The following TLE4 variants were observed in gnomAD, a reference collection of about 807,000 sequenced individuals.
TLE4 encodes the protein TLE family member 4, transcriptional corepressor.
Under a neutral mutation model 92.8 loss-of-function variants are expected in TLE4, and 8 were observed. The ratio of observed to expected loss-of-function variants is 0.09; its 90% confidence interval spans 0.05 to 0.16. TLE4 has a LOEUF of 0.16. Among genes scored for constraint, TLE4 ranks in the 10% least tolerant of loss-of-function variants. The pLI, the probability that TLE4 is intolerant of heterozygous loss-of-function variation, is 1.00. For missense variants in TLE4, 675 were observed against 997.6 expected (o/e 0.68, Z 4.36); for synonymous variants, 371 against 374.1 (o/e 0.99, Z 0.10).
intron 8 of TLE4, among the ~76,000 whole-genome samples, chr9:79,683,504 A>G (rs942760452): frequency 2.6e-5 from 4 of 152,224 alleles, no homozygotes; most frequent in Non-Finnish European, 4.4e-5. Context: ...CCCTTAATCA[A>G]CAATGATCCA....
intron 8 of TLE4, among the ~76,000 whole-genome samples, chr9:79,665,734 C>G (rs1398563300): frequency 1.3e-5 from 2 of 151,616 alleles, no homozygotes; most frequent in Admixed American, 1.3e-4. Context: ...TATTTATCAT[C>G]TGATTTTTTG....
intron 9 of TLE4, 86 bp from the exon 10 acceptor site, chr9:79,705,801 GAT>G: frequency 7.9e-7 from 1 of 1,271,760 alleles, no homozygotes; most frequent in Non-Finnish European, 1.2e-6. Flanking sequence ...ATCTTTATAA[GAT>G]ATGAGGAATT....
At position 79,685,975 on chromosome 9, in the gene TLE4, A is replaced by G. The variant is rs1588236189; in HGVS notation, c.610-18808A>G. ...CTAACCACAGATTGAAAGTATTTGGAAAAAAAATACAATAAAAAGTTCAAA... is the reference window on the plus strand; with the variant it reads ...CTAACCACAGATTGAAAGTATTTGGGAAAAAAATACAATAAAAAGTTCAAA... On this transcript the variant is annotated intron_variant, in intron 8 of 19. Coordinates refer to ENST00000376552, the MANE Select transcript of TLE4 (RefSeq NM_007005.6). 2.0e-5 allele frequency among the ~76,000 whole-genome samples: 3 copies of G among 152,156 alleles called. No homozygotes were observed. In the South Asian group the frequency reaches 6.2e-4, roughly 32 times the overall value.
intron 4 of TLE4, among the ~76,000 whole-genome samples, chr9:79,582,063 G>A (rs937594112): frequency 6.6e-6 from 1 of 152,048 alleles, no homozygotes; most frequent in African/African-American, 2.4e-5. Flanking sequence ...ATCTTTTCCT[G>A]TGGCTTATGA....
Position 79,705,926 on chromosome 9 carries a change from T to A in TLE4, c.767T>A (p.Val256Asp). ...GAGAAAAGTGATGACAACTTGGTGG[T>A]TGACGTTTCCAATGAGGTATGTTTG... ...DGEKSDDNLV[V>D]DVSNEDPSSP... The change falls in exon 10 of 20, where the codon GTT (valine) becomes GAT (aspartate). Residue 256 changes from valine (V) to aspartate (D), a missense_variant. Physicochemically the swap from Val to Asp is radical, Grantham distance 152 (BLOSUM62 -3). Transcript: ENST00000376552. The A allele has an allele frequency of 6.2e-7, 1 of 1,614,252 alleles. No homozygotes were observed. The highest frequency in any genetic ancestry group is 8.5e-7 in the Non-Finnish European group (1 of 1,180,036).
intron 4 of TLE4, among the ~76,000 whole-genome samples, chr9:79,585,533 C>T (rs2040841882): frequency 1.3e-5 from 2 of 152,176 alleles, no homozygotes; most frequent in African/African-American, 4.8e-5. Flanking sequence ...AGTACCGTAC[C>T]TTTAAGGGCC....
intron 4 of TLE4, among the ~76,000 whole-genome samples, chr9:79,592,034 C>G (rs756265709): frequency 1.3e-5 from 2 of 152,090 alleles, no homozygotes; most frequent in East Asian, 1.9e-4. Context: ...TGCCAGGCAG[C>G]CTTTTGTGGG....
chr9:79,704,495 T>TC, intron 8 of TLE4: 1 of 412,234 alleles, frequency 2.4e-6, no homozygotes, highest in East Asian at 4.2e-5. Context: ...TTACACTAAT[T>TC]CCTGCCACCC....
At chr9:79,577,017 C>T (rs1470854461) in intron 4 of TLE4, among the ~76,000 whole-genome samples, 2 of 151,498 alleles carry the variant, frequency 1.3e-5, no homozygotes, top group African/African-American at 4.9e-5. Flanking sequence ...GATAGTAATT[C>T]CTCTAGGAAG....
intron 8 of TLE4, among the ~76,000 whole-genome samples, chr9:79,691,956 G>A (rs1467098148): frequency 2.6e-5 from 4 of 152,070 alleles, no homozygotes; most frequent in East Asian, 1.9e-4. Flanking sequence ...GTCCCCATTC[G>A]CCCTCTTAAT....
At chr9:79,635,748 G>A (rs917849305) in intron 6 of TLE4, among the ~76,000 whole-genome samples, 24 of 152,032 alleles carry the variant, frequency 1.6e-4, no homozygotes, top group African/African-American at 5.8e-4. Flanking sequence ...TCTTTTGCTA[G>A]TGCTATACTG....
At chr9:79,691,790 C>T (rs537797649) in intron 8 of TLE4, among the ~76,000 whole-genome samples, 1 of 152,358 alleles carries the variant, frequency 6.6e-6, no homozygotes, top group East Asian at 1.9e-4. Context: ...CGTTTCCTGA[C>T]CACCTGGCTG....
chr9:79,711,959 A>C (rs1362754676), intron 14 of TLE4, among the ~76,000 whole-genome samples: 1 of 152,210 alleles, frequency 6.6e-6, no homozygotes, highest in Admixed American at 6.5e-5. Flanking sequence ...TGACAGATCC[A>C]AGTTTGAATT....
In TLE4 at chr9:79,706,824, A is replaced by G. The variant is rs2071712346; in HGVS notation, c.861A>G (p.Lys287=). 2.5e-6 allele frequency: 4 copies of G among 1,614,210 alleles called. No individual in the cohort carries two copies. Among genetic ancestry groups the G allele is most frequent in the Non-Finnish European group, 3.4e-6 (4 of 1,180,044 alleles). ...NGLDKTRLLK[K]DAPISPASIA... is the part of the protein sequence containing the mutation. Reference sequence around the variant, plus strand: ...TAGACAAGACACGCCTGCTCAAGAAAGATGCCCCGATTAGTCCAGCCTCTA... The same window carrying G: ...TAGACAAGACACGCCTGCTCAAGAAGGATGCCCCGATTAGTCCAGCCTCTA... The change falls in exon 11 of 20, where the codon AAA becomes AAG. Residue 287 remains lysine (K), a synonymous_variant. Coordinates refer to ENST00000376552, the MANE Select transcript of TLE4 (RefSeq NM_007005.6).
At chr9:79,685,100 T>A (rs898239657) in intron 8 of TLE4, among the ~76,000 whole-genome samples, 1 of 152,150 alleles carries the variant, frequency 6.6e-6, no homozygotes, top group African/African-American at 2.4e-5. Context: ...GACTGCTTCA[T>A]GAGAAATAGC....
At chr9:79,709,298 A>G (rs1217714546) in intron 13 of TLE4, among the ~76,000 whole-genome samples, 1 of 152,172 alleles carries the variant, frequency 6.6e-6, no homozygotes, top group Admixed American at 6.5e-5. Context: ...CTAATTTTAA[A>G]TTTTCCAAAA....
In TLE4 at chr9:79,725,418, A is replaced by G. The variant is rs2076291814; in HGVS notation, c.*274A>G. 4.3e-6 allele frequency: 1 copy of G among 233,230 alleles called. No individual in the cohort carries two copies. The highest frequency in any genetic ancestry group is 8.5e-6 in the Non-Finnish European group (1 of 117,874). The allele number at this position is 233,230 out of a possible 1,614,324, so 14.4% of individuals were successfully genotyped here. A position where few individuals can be genotyped will look rare whatever the true frequency, so the allele number is the denominator to read the frequency against. Reference sequence around the variant, plus strand: ...AAAAGAATCTTTAATTATGTATTATATCTGTAATATATTTATTTTGTTTAA... The same window carrying G: ...AAAAGAATCTTTAATTATGTATTATGTCTGTAATATATTTATTTTGTTTAA... On this transcript the variant is annotated 3_prime_UTR_variant, in exon 20 of 20. Transcript: ENST00000376552.
At chr9:79,574,735 T>C in intron 2 of TLE4, 138 bp from the exon 3 acceptor site, 1 of 660,788 alleles carries the variant, frequency 1.5e-6, no homozygotes, top group Non-Finnish European at 2.6e-6. Context: ...CCTTTCCCCT[T>C]CCCTTTCCAT....
At chr9:79,593,964 T>C (rs1483518159) in intron 4 of TLE4, among the ~76,000 whole-genome samples, 1 of 152,222 alleles carries the variant, frequency 6.6e-6, no homozygotes, top group Non-Finnish European at 1.5e-5. Context: ...TCCTGTGACA[T>C]TGGTAAATTA....
Sources: allele counts gnomAD v4.1 joint callset (sites outside exome capture counted in the v4.1 genomes callset), GRCh38; gene constraint gnomAD v4.1.1; transcripts MANE v1.5; gene names NCBI Gene and HGNC (gene_info 2026-07-23, HGNC 2026-07-21).